KCTD1: variants seen among roughly 807,000 people sequenced by gnomAD.
The protein encoded by KCTD1 is potassium channel tetramerization domain containing 1.
A neutral mutation model predicts 66.0 loss-of-function variants in KCTD1; 24 were observed. That is an observed-to-expected ratio of 0.36 (90% CI 0.26 to 0.51). The LOEUF is 0.51. Ranked by LOEUF, KCTD1 falls within the 20% of genes least tolerant of loss-of-function variation. KCTD1 has a pLI of 0.95. For synonymous variants in KCTD1, 511 were observed against 517.2 expected (o/e 0.99, Z 0.16); for missense variants, 943 against 1,205.2 (o/e 0.78, Z 3.22).
chr18:26,455,858 G>A lies in KCTD1; in HGVS notation c.2483C>T (p.Ser828Phe), dbSNP rs1282933823. The change falls in exon 5 of 5, where the codon TCC (serine) becomes TTC (phenylalanine). Residue 828 changes from serine (S) to phenylalanine (F), a missense_variant. Coordinates refer to ENST00000580059, the MANE Select transcript of KCTD1 (RefSeq NM_001142730.3). ...LQQRGFEIVGSCGGGVDSSQF... is the reference protein window; with the variant it reads ...LQQRGFEIVGFCGGGVDSSQF... ...GGACGAGTCTACTCCTCCCCCACAG[G>A]AGCCCACGATTTCAAATCCTCTTTG... 6 of 1,614,130 alleles carry A rather than the reference G, an allele frequency of 3.7e-6. No individual in the cohort carries two copies. Among genetic ancestry groups the A allele is most frequent in the South Asian group, 1.1e-5 (1 of 91,076 alleles).
chr18:26,623,644 C>T (rs1350722242), intron 1 of KCTD1, among the ~76,000 whole-genome samples: 1 of 152,138 alleles, frequency 6.6e-6, no homozygotes, highest in East Asian at 1.9e-4. Flanking sequence ...AACCTCTTTC[C>T]TTTATAAATT....
intron 1 of KCTD1, chr18:26,566,888 CT>C (rs1181868117): frequency 6.7e-6 from 1 of 149,114 alleles, no homozygotes; most frequent in African/African-American, 2.5e-5. Flanking sequence ...GGATTATGAT[CT>C]ATGTATCTGT....
intron 1 of KCTD1, among the ~76,000 whole-genome samples, chr18:26,602,362 TTTA>T (rs1986917612): frequency 6.6e-6 from 1 of 152,220 alleles, no homozygotes; most frequent in African/African-American, 2.4e-5. Context: ...GTTGAAAATT[TTTA>T]CATCTATATT....
At chr18:26,491,541 A>ATTT (rs747115112) in intron 2 of KCTD1, among the ~76,000 whole-genome samples, 5 of 152,196 alleles carry the variant, frequency 3.3e-5, no homozygotes, top group Non-Finnish European at 7.4e-5. Context: ...AAATAAGAAC[A>ATTT]AGACCCATTT....
rs1052789323 is a variant in KCTD1 at position 26,496,715 on chromosome 18, G to C, written c.1988+4357C>G. Reference sequence around the variant, plus strand: ...TTTACTCACTGAATCATTACTCAGGGTTTACAAGCTAAAAAAAAGCATGTG... The same window carrying C: ...TTTACTCACTGAATCATTACTCAGGCTTTACAAGCTAAAAAAAAGCATGTG... On this transcript the variant is annotated intron_variant, in intron 2 of 4. Transcript: ENST00000580059. Among the ~76,000 whole-genome samples, 6 of 149,578 alleles carry C rather than the reference G, an allele frequency of 4.0e-5. No individual in the cohort carries two copies. The Admixed American group carries it at 4.0e-4, about 10-fold the overall frequency.
chr18:26,591,689 A>G (rs1986608078), intron 1 of KCTD1, among the ~76,000 whole-genome samples: 1 of 152,220 alleles, frequency 6.6e-6, no homozygotes, highest in Non-Finnish European at 1.5e-5. Flanking sequence ...AGCTGTACAA[A>G]TTTTCTAGTT....
At position 26,572,937 on chromosome 18, in the gene KCTD1, A is replaced by G. The variant is rs141854601; in HGVS notation, c.-16+56210T>C. Among the ~76,000 whole-genome samples the G allele has an allele frequency of 4.9e-3, 739 of 152,270 alleles. 8 individuals carry two copies. The highest frequency in any genetic ancestry group is 0.017 in the African/African-American group (713 of 41,570). ...GAAATGATTTTATATTAAGTAGACA[A>G]CTAAGTTAATAGTTGAGTTTCTGAG... On this transcript the variant is annotated intron_variant, in intron 1 of 4. Coordinates refer to the KCTD1 transcript ENST00000317932.
At chr18:26,617,165 T>G (rs566879968) in intron 1 of KCTD1, among the ~76,000 whole-genome samples, 1 of 152,340 alleles carries the variant, frequency 6.6e-6, no homozygotes, top group East Asian at 1.9e-4. Context: ...AGTGGACTCA[T>G]GCATTTTAAA....
intron 1 of KCTD1, chr18:26,600,349 C>G (rs1429802510): frequency 2.1e-6 from 3 of 1,401,712 alleles, no homozygotes; most frequent in East Asian, 4.6e-5. Flanking sequence ...CTAGGAAGGG[C>G]CTGACATGGG....
chr18:26,557,503 T>C (rs1985734975), intron 1 of KCTD1, among the ~76,000 whole-genome samples: 1 of 152,222 alleles, frequency 6.6e-6, no homozygotes, highest in Non-Finnish European at 1.5e-5. Context: ...CAGAATTAGC[T>C]GAATTACCTG....
intron 3 of KCTD1, among the ~76,000 whole-genome samples, chr18:26,462,907 T>C (rs1433896887): frequency 6.6e-6 from 1 of 152,226 alleles, no homozygotes; most frequent in East Asian, 1.9e-4. Flanking sequence ...TTTGTTCTAA[T>C]CTGGCAATGT....
At chr18:26,511,914 A>G (rs1009857969) in intron 1 of KCTD1, among the ~76,000 whole-genome samples, 4 of 152,226 alleles carry the variant, frequency 2.6e-5, no homozygotes, top group African/African-American at 7.2e-5. Context: ...CTCCCCTGCC[A>G]CAGAGAATTG....
chr18:26,641,375 A>T (rs1292327328), upstream of KCTD1, among the ~76,000 whole-genome samples: 1 of 152,140 alleles, frequency 6.6e-6, no homozygotes, highest in Non-Finnish European at 1.5e-5. Flanking sequence ...TGGATTTTTT[A>T]AAGTATTCTT....
chr18:26,595,989 AG>A (rs1986756782), intron 1 of KCTD1, among the ~76,000 whole-genome samples: 1 of 152,252 alleles, frequency 6.6e-6, no homozygotes, highest in Admixed American at 6.5e-5. Flanking sequence ...TCAAGGCTTT[AG>A]TGAACCATGA....
chr18:26,461,814 T>A (rs991164289), intron 3 of KCTD1, among the ~76,000 whole-genome samples: 4 of 152,164 alleles, frequency 2.6e-5, no homozygotes, highest in Admixed American at 2.0e-4. Context: ...GGATCTAGAC[T>A]CCAGTGAAAA....
At chr18:26,626,412 G>A (rs956674283) in intron 1 of KCTD1, among the ~76,000 whole-genome samples, 5 of 150,926 alleles carry the variant, frequency 3.3e-5, no homozygotes, top group African/African-American at 1.2e-4. Context: ...GAGACAGCTT[G>A]GGCAGAGGGA....
intron 1 of KCTD1, among the ~76,000 whole-genome samples, chr18:26,640,006 G>A (rs557700864): frequency 1.3e-4 from 20 of 152,198 alleles, no homozygotes; most frequent in Non-Finnish European, 1.6e-4. Flanking sequence ...TAGCAGGAAG[G>A]AGCTTGTGTT....
intron 1 of KCTD1, among the ~76,000 whole-genome samples, chr18:26,508,739 C>T (rs1983180933): frequency 1.3e-5 from 2 of 152,206 alleles, no homozygotes; most frequent in East Asian, 3.9e-4. Flanking sequence ...CACACACACA[C>T]ACACACGCAC....
intron 1 of KCTD1, among the ~76,000 whole-genome samples, chr18:26,648,704 TTAC>T (rs756147101): frequency 9.9e-5 from 15 of 152,170 alleles, no homozygotes; most frequent in Non-Finnish European, 2.1e-4. Context: ...GTATTAGTAA[TTAC>T]TAATCAGTAT....
Sources: allele counts gnomAD v4.1 joint callset (sites outside exome capture counted in the v4.1 genomes callset), GRCh38; gene constraint gnomAD v4.1.1; transcripts MANE v1.5; gene names NCBI Gene and HGNC (gene_info 2026-07-23, HGNC 2026-07-21).